Variants in BTBD8 observed in about 807,000 individuals in gnomAD.
BTBD8 encodes the protein BTB/POZ domain-containing protein 8.
Under a neutral mutation model 162.9 loss-of-function variants are expected in BTBD8, and 110 were observed. That is an observed-to-expected ratio of 0.68 (90% CI 0.58 to 0.79). The LOEUF (loss-of-function observed/expected upper bound fraction) is 0.79, where lower values mean the gene tolerates loss of function less well. Among genes scored for constraint, BTBD8 ranks in the 30% least tolerant of loss-of-function variants. The probability of loss-of-function intolerance (pLI) is 0.00; values close to 1 mark genes in which losing one functional copy is unlikely to be tolerated. For synonymous variants in BTBD8, 667 were observed against 716.1 expected (o/e 0.93, Z 1.10); for missense variants, 1,905 against 2,085.4 (o/e 0.91, Z 1.68).
intron 4 of BTBD8, among the ~76,000 whole-genome samples, chr1:92,119,416 G>T (rs1649132936): frequency 6.6e-6 from 1 of 150,604 alleles, no homozygotes; most frequent in African/African-American, 2.4e-5. Flanking sequence ...CTCTTGAGTA[G>T]CTGGGACCAC....
intron 4 of BTBD8, among the ~76,000 whole-genome samples, chr1:92,114,526 T>A (rs574962030): frequency 1.3e-5 from 2 of 152,148 alleles, no homozygotes; most frequent in Non-Finnish European, 2.9e-5. Flanking sequence ...TAATTTTTTT[T>A]ATCTGTTCAA....
chr1:92,164,355 C>T (rs913153428), intron 9 of BTBD8, among the ~76,000 whole-genome samples: 1 of 152,076 alleles, frequency 6.6e-6, no homozygotes, highest in African/African-American at 2.4e-5. Context: ...TGGTAGCTCA[C>T]ACCTGTAATC....
At chr1:92,152,647 G>A (rs1429701311) in intron 9 of BTBD8, among the ~76,000 whole-genome samples, 1 of 152,004 alleles carries the variant, frequency 6.6e-6, no homozygotes, top group African/African-American at 2.4e-5. Context: ...TGAGTATCTT[G>A]TTAACGAGTT....
rs944219042 is a variant in BTBD8, at chr1:92,168,114, T to A, written c.1443+129T>A. On this transcript the variant is annotated intron_variant, in intron 11 of 17. Coordinates refer to ENST00000636805, the MANE Select transcript of BTBD8 (RefSeq NM_001376131.1). The stretch of plus-strand genomic sequence containing the variant: ...GGATACCTAGGGGTGGATTAAGGTC[T>A]CTACTTTTGTATATGTTTGGAATTT... 1.4e-5 allele frequency: 9 copies of A among 651,966 alleles called. No homozygotes were observed. The African/African-American group carries it at 1.5e-4, about 11-fold the overall frequency. The allele number at this position is 651,966 out of a possible 1,614,324, so 40.4% of individuals were successfully genotyped here.
At chr1:92,139,165 A>G (rs1426717160) in intron 5 of BTBD8, among the ~76,000 whole-genome samples, 185 bp from the exon 6 acceptor site, 1 of 152,194 alleles carries the variant, frequency 6.6e-6, no homozygotes, top group Non-Finnish European at 1.5e-5. Flanking sequence ...CTTATATAAA[A>G]ATCCATTGTT....
At chr1:92,113,443 ACT>A (rs1648949214) in intron 4 of BTBD8, among the ~76,000 whole-genome samples, 3 of 152,228 alleles carry the variant, frequency 2.0e-5, no homozygotes, top group African/African-American at 4.8e-5. Context: ...CGCTGATTTG[ACT>A]CTGAGTGAAG....
intron 2 of BTBD8, among the ~76,000 whole-genome samples, chr1:92,101,149 C>T (rs1648581868): frequency 6.6e-6 from 1 of 152,168 alleles, no homozygotes; most frequent in East Asian, 1.9e-4. Flanking sequence ...CATAGCTTAG[C>T]TCCCATTTAT....
At chr1:92,122,157 T>A (rs950384730) in intron 4 of BTBD8, among the ~76,000 whole-genome samples, 3 of 152,214 alleles carry the variant, frequency 2.0e-5, no homozygotes, top group Admixed American at 2.0e-4. Flanking sequence ...TTGATTCAAT[T>A]TTTATTGCTG....
rs3040583 is a variant in BTBD8 at position 92,118,282 on chromosome 1, CTT to C, written c.662+10300_662+10301del. Among the ~76,000 whole-genome samples the C allele has an allele frequency of 1.6e-4, 20 of 122,312 alleles. No individual in the cohort carries two copies. The East Asian group carries it at 2.7e-3, about 16-fold the overall frequency. The allele number at this position is 122,312 out of a possible 152,430, so 80.2% of individuals were successfully genotyped here. ...TGGCTGTAACAGTTTTTCAGACTTTCTTTTTTTTTTTTTTTTTTTTGATGACA... is the reference window on the plus strand; with the variant it reads ...TGGCTGTAACAGTTTTTCAGACTTTCTTTTTTTTTTTTTTTTTTGATGACA... On this transcript the variant is annotated intron_variant, in intron 4 of 17. Transcript: ENST00000636805.
intron 2 of BTBD8, among the ~76,000 whole-genome samples, chr1:92,094,193 T>G: frequency 6.6e-6 from 1 of 152,250 alleles, no homozygotes; most frequent in Non-Finnish European, 1.5e-5. Context: ...TATTCTGTTT[T>G]GTATTAGGTT....
At chr1:92,083,958 A>G (rs1442804580) in intron 1 of BTBD8, among the ~76,000 whole-genome samples, 1 of 152,204 alleles carries the variant, frequency 6.6e-6, no homozygotes, top group African/African-American at 2.4e-5. Context: ...GGAGGTGTAT[A>G]ATGAATGTCC....
At chr1:92,093,049 G>C (rs1468087969) in intron 2 of BTBD8, among the ~76,000 whole-genome samples, 1 of 151,946 alleles carries the variant, frequency 6.6e-6, no homozygotes, top group Non-Finnish European at 1.5e-5. Context: ...ATGGAAAATT[G>C]CCTAACCTTG....
chr1:92,141,744 C>T (rs1481830817), intron 7 of BTBD8, among the ~76,000 whole-genome samples: 7 of 152,182 alleles, frequency 4.6e-5, no homozygotes, highest in Admixed American at 2.6e-4. Context: ...TGAAGCCATT[C>T]ATACATTATT....
At chr1:92,130,083 A>C (rs1649473476) in intron 5 of BTBD8, among the ~76,000 whole-genome samples, 1 of 152,224 alleles carries the variant, frequency 6.6e-6, no homozygotes, top group Admixed American at 6.5e-5. Context: ...TTGGTGTCTG[A>C]TGAGGGCTCT....
chr1:92,114,986 C>T (rs1648995052), intron 4 of BTBD8: 2 of 287,616 alleles, frequency 7.0e-6, no homozygotes, highest in South Asian at 7.0e-5. Context: ...TCATTGTAGC[C>T]CCAGATGCCC....
At chr1:92,114,140 A>T (rs1020126157) in intron 4 of BTBD8, among the ~76,000 whole-genome samples, 3 of 151,916 alleles carry the variant, frequency 2.0e-5, no homozygotes, top group South Asian at 2.1e-4. Context: ...AATAATTGTT[A>T]AAAAAAACAC....
At position 92,080,567 on chromosome 1, in the gene BTBD8, G is replaced by A. The variant is rs751433897; in HGVS notation, c.-5G>A. ...GGCCTCCAGGGCGTCGTACCTCTGTGAGACATGGCTCGCTGTGGGGAAGGC... is the reference window on the plus strand; with the variant it reads ...GGCCTCCAGGGCGTCGTACCTCTGTAAGACATGGCTCGCTGTGGGGAAGGC... On this transcript the variant is annotated 5_prime_UTR_variant, in exon 1 of 18. Coordinates refer to ENST00000636805, the MANE Select transcript of BTBD8 (RefSeq NM_001376131.1). 42 of 1,613,732 alleles carry A rather than the reference G, an allele frequency of 2.6e-5. No individual in the cohort carries two copies. Among genetic ancestry groups the A allele is most frequent in the Non-Finnish European group, 3.5e-5 (41 of 1,179,818 alleles).
intron 3 of BTBD8, among the ~76,000 whole-genome samples, chr1:92,103,294 C>T (rs574535606): frequency 1.3e-5 from 2 of 152,240 alleles, no homozygotes; most frequent in East Asian, 1.9e-4. Flanking sequence ...CAATTACTTA[C>T]GTGATTTATC....
At chr1:92,128,380 G>A (rs753685750) in intron 4 of BTBD8, among the ~76,000 whole-genome samples, 2 of 152,120 alleles carry the variant, frequency 1.3e-5, no homozygotes, top group East Asian at 3.9e-4. Flanking sequence ...CTGGGTTCAC[G>A]CCATTCTCTT....
Sources: allele counts gnomAD v4.1 joint callset (sites outside exome capture counted in the v4.1 genomes callset), GRCh38; gene constraint gnomAD v4.1.1; transcripts MANE v1.5; gene names NCBI Gene and HGNC (gene_info 2026-07-23, HGNC 2026-07-21).